LRRC4C: variants seen among roughly 807,000 people sequenced by gnomAD.
LRRC4C encodes the protein leucine rich repeat containing 4C.
In LRRC4C, 5 loss-of-function variants were observed where a neutral mutation model predicts 33.6. The observed-to-expected ratio is 0.15, with a 90% CI of 0.08 to 0.31. LRRC4C has a LOEUF of 0.31. Among genes scored for constraint, LRRC4C ranks in the 10% least tolerant of loss-of-function variants. The pLI is 1.00. For missense variants in LRRC4C, 560 were observed against 796.7 expected (o/e 0.70, Z 3.58); for synonymous variants, 329 against 302.0 (o/e 1.09, Z -0.93).
chr11:40,648,150 A>G lies in LRRC4C; in HGVS notation c.-278T>C, dbSNP rs1430519041. On this transcript the variant is annotated 5_prime_UTR_variant, in exon 3 of 7. Transcript: ENST00000528697. ...TTATACCTCTCACTTACCTGTAGCA[A>G]ATTGTTCATGGACCCGTTTCTCTGT... 1 of 152,130 alleles carries G rather than the reference A, an allele frequency of 6.6e-6. No individual in the cohort carries two copies. Among genetic ancestry groups the G allele is most frequent in the Admixed American group, 6.5e-5 (1 of 15,270 alleles). 9.4% of individuals were successfully genotyped at this position (152,130 alleles called of 1,614,324 possible).
At chr11:40,862,960 T>G (rs12288111) in intron 2 of LRRC4C, among the ~76,000 whole-genome samples, 38,571 of 152,134 alleles carry the variant, frequency 0.25, 6,339 homozygotes, top group African/African-American at 0.46. Flanking sequence ...TGAGATAGGG[T>G]TATTCATGCT....
intron 5 of LRRC4C, among the ~76,000 whole-genome samples, chr11:40,197,236 C>T (rs916915208): frequency 1.3e-5 from 2 of 152,216 alleles, no homozygotes; most frequent in South Asian, 2.1e-4. Context: ...GCTTGAGCCT[C>T]CATAAATTGT....
At chr11:41,041,835 T>C (rs1857458272) in intron 1 of LRRC4C, among the ~76,000 whole-genome samples, 1 of 152,170 alleles carries the variant, frequency 6.6e-6, no homozygotes, top group Non-Finnish European at 1.5e-5. Context: ...TACACTCAAA[T>C]ACATATAGTC....
chr11:41,118,191 C>CAGT (rs1223905400), intron 1 of LRRC4C, among the ~76,000 whole-genome samples: 1 of 152,104 alleles, frequency 6.6e-6, no homozygotes, highest in Non-Finnish European at 1.5e-5. Context: ...CCAATATATC[C>CAGT]AGTAGGCTGC....
intron 2 of LRRC4C, among the ~76,000 whole-genome samples, chr11:40,821,775 T>C (rs1467376419): frequency 1.3e-5 from 2 of 151,726 alleles, no homozygotes; most frequent in East Asian, 1.9e-4. Flanking sequence ...AAATGTAACA[T>C]GGTATCCTTG....
chr11:41,175,482 T>A (rs971497443), intron 1 of LRRC4C, among the ~76,000 whole-genome samples: 2 of 152,104 alleles, frequency 1.3e-5, no homozygotes, highest in African/African-American at 4.8e-5. Flanking sequence ...CTGTTGGAAC[T>A]TCAGTGATCA....
intron 3 of LRRC4C, among the ~76,000 whole-genome samples, chr11:40,525,385 G>T (rs1447411942): frequency 6.6e-6 from 1 of 152,134 alleles, no homozygotes; most frequent in Non-Finnish European, 1.5e-5. Flanking sequence ...GGCAGAGGTT[G>T]CAGTGAGCCA....
chr11:40,231,868 T>A, intron 5 of LRRC4C, among the ~76,000 whole-genome samples: 1 of 152,212 alleles, frequency 6.6e-6, no homozygotes, highest in East Asian at 1.9e-4. Context: ...TCTTTTTCTA[T>A]TTCAATTTTT....
intron 4 of LRRC4C, among the ~76,000 whole-genome samples, chr11:40,246,851 A>G (rs926376141): frequency 9.2e-5 from 14 of 152,208 alleles, no homozygotes; most frequent in African/African-American, 3.4e-4. Context: ...TATTTCTTCT[A>G]GTATTGATGC....
chr11:41,342,236 G>A (rs1203242001), intron 1 of LRRC4C, among the ~76,000 whole-genome samples: 1 of 152,156 alleles, frequency 6.6e-6, no homozygotes, highest in Non-Finnish European at 1.5e-5. Context: ...GACTATCTTA[G>A]TTCAGACAGG....
Position 40,581,818 on chromosome 11 carries a change from G to A in LRRC4C, c.-270+66324C>T, listed in dbSNP as rs1412633823. 3.3e-5 allele frequency among the ~76,000 whole-genome samples: 5 copies of A among 152,222 alleles called. No individual in the cohort carries two copies. In the South Asian group the frequency reaches 8.3e-4, roughly 25 times the overall value. ...CTCGGGAGCCTGAGGCAGGAGAATC[G>A]CTTGAACCTGAGAGGTGGAGGTTGC... is the stretch of plus-strand genomic sequence containing the variant. On this transcript the variant is annotated intron_variant, in intron 3 of 6. Coordinates refer to ENST00000528697, the MANE Select transcript of LRRC4C (RefSeq NM_001258419.2).
In LRRC4C at chr11:40,115,527, G is replaced by T. The variant is rs1314592573; in HGVS notation, c.766C>A (p.Gln256Lys). 3 of 1,614,204 alleles carry T rather than the reference G, an allele frequency of 1.9e-6. No individual in the cohort carries two copies. The Admixed American group carries it at 5.0e-5, about 27-fold the overall frequency. Residue 256 changes from glutamine (Q) to lysine (K), a missense_variant, in exon 7 of 7, where the codon CAA becomes AAA. Around this residue, in one of 3 missense-constraint regions of LRRC4C, gnomAD observed 455 missense variants for 643.8 expected, o/e 0.71. Transcript: ENST00000528697. The surrounding 1 kb of genome is among the most constrained non-coding windows in gnomAD (Gnocchi z 6.7). ...QKLWMIQSQI[Q>K]VIERNAFDNL... ...TCAAAGGCATTCCGTTCAATCACTT[G>T]AATCTGGGACTGTATCATCCACAGT...
intron 2 of LRRC4C, among the ~76,000 whole-genome samples, chr11:40,856,420 A>G (rs1231385496): frequency 6.6e-6 from 1 of 152,202 alleles, no homozygotes; most frequent in African/African-American, 2.4e-5. Context: ...TTCTTGGACA[A>G]GAGAAAAAAT....
chr11:40,156,342 AGC>A, intron 5 of LRRC4C, among the ~76,000 whole-genome samples: 1 of 152,270 alleles, frequency 6.6e-6, no homozygotes. Flanking sequence ...TAGAAGTCCT[AGC>A]CAGAGCAATA....
At chr11:40,706,587 G>A (rs1946179346) in intron 2 of LRRC4C, among the ~76,000 whole-genome samples, 2 of 152,158 alleles carry the variant, frequency 1.3e-5, no homozygotes, top group African/African-American at 4.8e-5. Context: ...TTTCGTACCA[G>A]TACCATGCTG....
intron 3 of LRRC4C, among the ~76,000 whole-genome samples, chr11:40,359,487 C>T (rs999886640): frequency 2.6e-5 from 4 of 152,126 alleles, no homozygotes; most frequent in African/African-American, 9.7e-5. Flanking sequence ...ATCAATTAAG[C>T]GCATCTCTTA....
chr11:40,848,857 G>C (rs1349249973), intron 2 of LRRC4C, among the ~76,000 whole-genome samples: 2 of 152,148 alleles, frequency 1.3e-5, no homozygotes, highest in Non-Finnish European at 1.5e-5. Flanking sequence ...ACTTAGAATA[G>C]TTAAATCTTC....
intron 3 of LRRC4C, among the ~76,000 whole-genome samples, chr11:40,500,287 TATATATACACACACACAC>T (rs1207195907): frequency 1.5e-4 from 11 of 71,058 alleles, no homozygotes; most frequent in African/African-American, 5.3e-4. Context: ...TATATATATA[TATATATACACACACACAC>T]ACACACACAC....
At chr11:41,075,888 C>A (rs1447646093) in intron 1 of LRRC4C, among the ~76,000 whole-genome samples, 1 of 152,196 alleles carries the variant, frequency 6.6e-6, no homozygotes, top group African/African-American at 2.4e-5. Flanking sequence ...TTAGTAACCT[C>A]TGATTCAATA....
Sources: allele counts gnomAD v4.1 joint callset (sites outside exome capture counted in the v4.1 genomes callset), GRCh38; gene constraint gnomAD v4.1.1; regional missense constraint gnomAD v4.1.1; non-coding constraint Gnocchi (gnomAD v3.1); transcripts MANE v1.5; gene names NCBI Gene and HGNC (gene_info 2026-07-23, HGNC 2026-07-21).